The following PEBP4 variants were observed in gnomAD, a reference collection of about 807,000 sequenced individuals.
The protein encoded by PEBP4 is phosphatidylethanolamine-binding protein 4.
In PEBP4, 22 loss-of-function variants were observed where a neutral mutation model predicts 23.9. That is an observed-to-expected ratio of 0.92 (90% CI 0.66 to 1.31). PEBP4 has a LOEUF of 1.31. Among genes scored for constraint, PEBP4 ranks in the 40% most tolerant of loss-of-function variants. PEBP4 has a pLI of 0.00. For missense variants in PEBP4, 324 were observed against 281.7 expected (o/e 1.15, Z -1.07); for synonymous variants, 112 against 99.3 (o/e 1.13, Z -0.76).
chr8:22,934,311 G>A (rs536791867), intron 1 of PEBP4, among the ~76,000 whole-genome samples: 1 of 152,248 alleles, frequency 6.6e-6, no homozygotes, highest in South Asian at 2.1e-4. Context: ...CACAAAATGG[G>A]GGGCACGGAG....
chr8:22,808,025 C>T (rs1490450005), intron 4 of PEBP4, among the ~76,000 whole-genome samples: 1 of 151,932 alleles, frequency 6.6e-6, no homozygotes, highest in Non-Finnish European at 1.5e-5. Context: ...CCTACCTAAT[C>T]TTTATCCATC....
At chr8:22,826,120 G>A (rs551475158) in intron 3 of PEBP4, among the ~76,000 whole-genome samples, 5 of 152,140 alleles carry the variant, frequency 3.3e-5, no homozygotes, top group African/African-American at 4.8e-5. Flanking sequence ...GTACAATACC[G>A]TGTCCATAGT....
chr8:22,751,356 C>A (rs530129343), intron 4 of PEBP4, among the ~76,000 whole-genome samples: 230 of 152,336 alleles, frequency 1.5e-3, no homozygotes, highest in African/African-American at 5.0e-3. Context: ...TCGGAACAAA[C>A]CTCTGCTTCT....
intron 3 of PEBP4, among the ~76,000 whole-genome samples, chr8:22,903,034 C>G (rs529868492): frequency 2.6e-5 from 4 of 152,168 alleles, no homozygotes; most frequent in Non-Finnish European, 5.9e-5. Flanking sequence ...GCCTGACGGG[C>G]CTGAAAAGAT....
At chr8:22,892,765 G>T (rs796610298) in intron 3 of PEBP4, among the ~76,000 whole-genome samples, 1 of 152,138 alleles carries the variant, frequency 6.6e-6, no homozygotes, top group Non-Finnish European at 1.5e-5. Flanking sequence ...ATGAAACAAT[G>T]GTTTCCAGAT....
chr8:22,765,300 C>T (rs1044510055), intron 4 of PEBP4, among the ~76,000 whole-genome samples: 1 of 152,124 alleles, frequency 6.6e-6, no homozygotes, highest in Non-Finnish European at 1.5e-5. Context: ...TGTGCCACCA[C>T]ACCCAGCTAA....
intron 4 of PEBP4, among the ~76,000 whole-genome samples, chr8:22,786,826 T>G (rs935928893): frequency 1.0e-5 from 1 of 96,150 alleles, no homozygotes; most frequent in African/African-American, 3.8e-5. Flanking sequence ...CCCTACCGCT[T>G]TTTTTTTTTT....
At chr8:22,882,086 AC>A (rs1435797340) in intron 3 of PEBP4, among the ~76,000 whole-genome samples, 1 of 151,444 alleles carries the variant, frequency 6.6e-6, no homozygotes, top group African/African-American at 2.4e-5. Flanking sequence ...AGATTAGAGA[AC>A]CCCCCAGCCC....
chr8:22,766,127 C>T (rs955510914), intron 4 of PEBP4, among the ~76,000 whole-genome samples: 1 of 152,256 alleles, frequency 6.6e-6, no homozygotes, highest in Admixed American at 6.5e-5. Flanking sequence ...AAGCCTGTGT[C>T]TCCCTTCCTC....
At chr8:22,774,682 A>T (rs1331554961) in intron 4 of PEBP4, among the ~76,000 whole-genome samples, 1 of 151,686 alleles carries the variant, frequency 6.6e-6, no homozygotes. Flanking sequence ...GGCTTCGGGG[A>T]CTCTCATTTT....
chr8:22,857,273 TACTC>T (rs1274732458), intron 3 of PEBP4, among the ~76,000 whole-genome samples: 2 of 134,956 alleles, frequency 1.5e-5, no homozygotes, highest in African/African-American at 3.0e-5. Context: ...CACACACACT[TACTC>T]ACTCACACAT....
chr8:22,750,061 C>T (rs1805219723), intron 4 of PEBP4, among the ~76,000 whole-genome samples: 1 of 152,124 alleles, frequency 6.6e-6, no homozygotes, highest in Admixed American at 6.5e-5. Flanking sequence ...CTGCCTCGGC[C>T]TCCCAAAGTG....
At chr8:22,744,991 C>A (rs527495387) in intron 4 of PEBP4, among the ~76,000 whole-genome samples, 1 of 152,152 alleles carries the variant, frequency 6.6e-6, no homozygotes, top group African/African-American at 2.4e-5. Flanking sequence ...TGTCCTGGCC[C>A]GTGATCTAAG....
At chr8:22,846,449 C>T (rs1422459877) in intron 3 of PEBP4, among the ~76,000 whole-genome samples, 1 of 152,196 alleles carries the variant, frequency 6.6e-6, no homozygotes, top group Non-Finnish European at 1.5e-5. Flanking sequence ...GGATCGTCAT[C>T]ACCCCATTCT....
chr8:22,835,461 G>A (rs1326839527), intron 3 of PEBP4, among the ~76,000 whole-genome samples: 3 of 152,140 alleles, frequency 2.0e-5, no homozygotes, highest in Non-Finnish European at 4.4e-5. Context: ...AGAAATAAGC[G>A]GCCCGGGAAC....
chr8:22,817,793 C>T (rs564157384), intron 3 of PEBP4, 58 bp from the exon 4 acceptor site: 376 of 1,476,194 alleles, frequency 2.5e-4, no homozygotes, highest in Non-Finnish European at 3.2e-4. Flanking sequence ...GAAAATACCA[C>T]GGGGCAGACC....
At chr8:22,793,191 T>C (rs967058467) in intron 4 of PEBP4, among the ~76,000 whole-genome samples, 1 of 152,182 alleles carries the variant, frequency 6.6e-6, no homozygotes, top group Non-Finnish European at 1.5e-5. Flanking sequence ...TTGCTTTTTC[T>C]TTTCATGTAA....
intron 3 of PEBP4, among the ~76,000 whole-genome samples, chr8:22,831,572 GCCTTTGAGGA>G (rs941066909): frequency 1.4e-4 from 22 of 152,310 alleles, no homozygotes; most frequent in Admixed American, 1.2e-3. Context: ...GCATGCCTCT[GCCTTTGAGGA>G]CATAGTAGCC....
chr8:22,859,194 G>A (rs890336808), intron 3 of PEBP4, among the ~76,000 whole-genome samples: 1 of 152,142 alleles, frequency 6.6e-6, no homozygotes, highest in African/African-American at 2.4e-5. Context: ...TATCTACCAG[G>A]GAGCACTATC....
Sources: gnomAD v4.1 joint callset for allele counts (sites outside exome capture counted in the v4.1 genomes callset) on GRCh38, gnomAD v4.1.1 for gene constraint, MANE v1.5 for transcripts, NCBI Gene and HGNC (gene_info 2026-07-23, HGNC 2026-07-21) for gene names.